The following PRKAG2 variants were observed in gnomAD, a reference collection of about 807,000 sequenced individuals.
PRKAG2 encodes the protein protein kinase AMP-activated non-catalytic subunit gamma 2.
A neutral mutation model predicts 69.6 loss-of-function variants in PRKAG2; 26 were observed. That is an observed-to-expected ratio of 0.37 (90% CI 0.27 to 0.52). The LOEUF (loss-of-function observed/expected upper bound fraction) is 0.52. PRKAG2 is among the 20% of genes least tolerant of loss of function. The probability of loss-of-function intolerance (pLI) is 0.90; values close to 1 mark genes in which losing one functional copy is unlikely to be tolerated. For synonymous variants in PRKAG2, 293 were observed against 285.0 expected (o/e 1.03, Z -0.28); for missense variants, 557 against 740.0 (o/e 0.75, Z 2.87).
chr7:151,644,552 T>G (rs573291096), intron 4 of PRKAG2, among the ~76,000 whole-genome samples: 59 of 152,324 alleles, frequency 3.9e-4, no homozygotes, highest in Non-Finnish European at 7.1e-4. Context: ...TAGCATCCCA[T>G]TCTATGGATA....
At chr7:151,819,683 T>C (rs1267045038) in intron 1 of PRKAG2, among the ~76,000 whole-genome samples, 1 of 152,218 alleles carries the variant, frequency 6.6e-6, no homozygotes, top group Non-Finnish European at 1.5e-5. Flanking sequence ...AGTTTCTCTA[T>C]CTTTCAAGGC....
chr7:151,612,298 T>C (rs1215359940), intron 5 of PRKAG2, among the ~76,000 whole-genome samples: 2 of 152,192 alleles, frequency 1.3e-5, no homozygotes, highest in Admixed American at 6.5e-5. Context: ...CAGTCCCTTC[T>C]TGCAGGGTGT....
At position 151,625,298 on chromosome 7, in the gene PRKAG2, T is replaced by C. The variant is rs527936970; in HGVS notation, c.754+6771A>G. On this transcript the variant is annotated intron_variant, in intron 5 of 15. Transcript: ENST00000287878. ...TGATTCAAGGAGCAGGAGCTGTCTGTGTAAAGTCTGGCAGGCCTGGAGGAG... is the reference window on the plus strand; with the variant it reads ...TGATTCAAGGAGCAGGAGCTGTCTGCGTAAAGTCTGGCAGGCCTGGAGGAG... 5.9e-5 allele frequency among the ~76,000 whole-genome samples: 9 copies of C among 152,110 alleles called. No homozygotes were observed. The South Asian group carries it at 1.5e-3, about 25-fold the overall frequency.
chr7:151,576,413 G>A lies in PRKAG2; in HGVS notation c.904C>T (p.Arg302Ter). Residue 302 changes from arginine to a stop codon, truncating the protein, a stop_gained, in exon 7 of 16, where the codon CGA (arginine) becomes TGA (stop). Transcript: ENST00000287878. LOFTEE classifies it high-confidence loss of function. Reference sequence around the variant, plus strand: ...TTACTCTCCCACAGTGGCGCTGCTCGGACACCGTTGGCTACCAAAGCAAAG... The same window carrying A: ...TTACTCTCCCACAGTGGCGCTGCTCAGACACCGTTGGCTACCAAAGCAAAG... ...AFFALVANGVRAAPLWESKKQ... is the reference protein window; with the variant it reads ...AFFALVANGV The A allele has an allele frequency of 6.2e-7, 1 of 1,611,318 alleles. No homozygotes were observed. Among genetic ancestry groups the A allele is most frequent in the Non-Finnish European group, 8.5e-7 (1 of 1,177,506 alleles).
At chr7:151,589,253 T>G (rs1204382822) in intron 6 of PRKAG2, among the ~76,000 whole-genome samples, 1 of 152,176 alleles carries the variant, frequency 6.6e-6, no homozygotes, top group Non-Finnish European at 1.5e-5. Context: ...TCCCATTTTG[T>G]GCAAAATGAG....
chr7:151,843,151 G>GA (rs1433125648), intron 1 of PRKAG2, among the ~76,000 whole-genome samples: 2 of 151,978 alleles, frequency 1.3e-5, no homozygotes, highest in African/African-American at 4.8e-5. Flanking sequence ...AAGCCCCAGT[G>GA]TACCTACAAG....
chr7:151,631,978 C>CGTGG, intron 5 of PRKAG2, 91 bp downstream of exon 5: 1 of 1,109,584 alleles, frequency 9.0e-7, no homozygotes. Flanking sequence ...GGGGCAGCGC[C>CGTGG]GGAGATGGGG....
At chr7:151,664,121 G>A (rs976485403) in intron 4 of PRKAG2, among the ~76,000 whole-genome samples, 1 of 152,208 alleles carries the variant, frequency 6.6e-6, no homozygotes. Context: ...TATGAGCTAA[G>A]ATGCTGCGTC....
At position 151,600,303 on chromosome 7, in the gene PRKAG2, T is replaced by G. The variant is rs548111412; in HGVS notation, c.755-4849A>C. Among the ~76,000 whole-genome samples the G allele has an allele frequency of 6.6e-5, 10 of 152,328 alleles. No individual in the cohort carries two copies. In the East Asian group the frequency reaches 1.9e-3, roughly 29 times the overall value. ...GAAGATCTGGACTACTTGGGAAATA[T>G]CTGAGAAGAAAAACATGTAGTGTAT... On this transcript the variant is annotated intron_variant, in intron 5 of 15. Transcript: ENST00000287878.
At chr7:151,637,327 A>T (rs910994192) in intron 4 of PRKAG2, among the ~76,000 whole-genome samples, 10 of 152,196 alleles carry the variant, frequency 6.6e-5, no homozygotes, top group East Asian at 1.9e-4. Flanking sequence ...GCAATAATTT[A>T]AAAAAATTCT....
chr7:151,625,652 G>A (rs1405190008), intron 5 of PRKAG2, among the ~76,000 whole-genome samples: 1 of 152,206 alleles, frequency 6.6e-6, no homozygotes, highest in African/African-American at 2.4e-5. Flanking sequence ...GAACAAGCCG[G>A]AAGCAGCAGC....
chr7:151,558,903 CAG>C (rs1804345185), intron 15 of PRKAG2: 1 of 985,296 alleles, frequency 1.0e-6, no homozygotes, highest in African/African-American at 1.7e-5. Context: ...TATCAAGAAA[CAG>C]AGAGGATGAA....
At chr7:151,830,787 C>CA (rs2079006893) in intron 1 of PRKAG2, among the ~76,000 whole-genome samples, 3 of 114,496 alleles carry the variant, frequency 2.6e-5, no homozygotes, top group East Asian at 2.5e-4. Context: ...GGGGGCGGGG[C>CA]GGGGGGGGGT....
intron 5 of PRKAG2, among the ~76,000 whole-genome samples, chr7:151,612,057 A>C (rs1178935013): frequency 6.6e-6 from 1 of 152,034 alleles, no homozygotes; most frequent in Non-Finnish European, 1.5e-5. Context: ...CCAATGTGTT[A>C]CTCCCTTCAG....
intron 1 of PRKAG2, among the ~76,000 whole-genome samples, chr7:151,849,850 G>C (rs1334947499): frequency 6.6e-6 from 1 of 152,200 alleles, no homozygotes; most frequent in Non-Finnish European, 1.5e-5. Flanking sequence ...ATCTGCCAGA[G>C]ACGCCATATC....
At chr7:151,593,185 T>C (rs771697210) in intron 6 of PRKAG2, among the ~76,000 whole-genome samples, 5 of 152,178 alleles carry the variant, frequency 3.3e-5, no homozygotes, top group Non-Finnish European at 7.4e-5. Context: ...CTTGTTATTA[T>C]TATTTTTTGA....
intron 1 of PRKAG2, among the ~76,000 whole-genome samples, chr7:151,832,226 GGGAAGGAGAGGAGGAGGGAAGGAA>G (rs777012636): frequency 0.04 from 5,028 of 126,084 alleles, 217 homozygotes; most frequent in African/African-American, 0.053. Flanking sequence ...GAGGGGAGGA[GGGAAGGAGAGGAGGAGGGAAGGAA>G]GGGAGGAGGG....
At chr7:151,559,440 T>C (rs1315071450) in intron 15 of PRKAG2, 13 of 985,276 alleles carry the variant, frequency 1.3e-5, no homozygotes, top group African/African-American at 1.7e-5. Context: ...ATTTCTAGAG[T>C]TTCTGATTCA....
intron 15 of PRKAG2, 154 bp downstream of exon 15, chr7:151,560,370 A>C: frequency 2.6e-6 from 4 of 1,545,366 alleles, no homozygotes; most frequent in Non-Finnish European, 3.5e-6. Flanking sequence ...TAAACTTCCC[A>C]ACTGAAGAGA....
Sources: allele counts gnomAD v4.1 joint callset (sites outside exome capture counted in the v4.1 genomes callset), GRCh38; gene constraint gnomAD v4.1.1; transcripts MANE v1.5; gene names NCBI Gene and HGNC (gene_info 2026-07-23, HGNC 2026-07-21).